Variants in CNIH3 observed in about 807,000 individuals in gnomAD.
CNIH3 encodes protein cornichon homolog 3.
A neutral mutation model predicts 24.1 loss-of-function variants in CNIH3; 14 were observed. That is an observed-to-expected ratio of 0.58 (90% CI 0.38 to 0.91). The LOEUF is 0.91. Among genes scored for constraint, CNIH3 ranks in the 40% least tolerant of loss-of-function variants. The probability of loss-of-function intolerance (pLI) is 0.00; values close to 1 mark genes in which losing one functional copy is unlikely to be tolerated. For synonymous variants in CNIH3, 68 were observed against 73.8 expected (o/e 0.92, Z 0.40); for missense variants, 178 against 196.8 (o/e 0.90, Z 0.57).
At chr1:224,656,541 C>T (rs952905628) in intron 1 of CNIH3, among the ~76,000 whole-genome samples, 9 of 152,006 alleles carry the variant, frequency 5.9e-5, no homozygotes, top group East Asian at 1.9e-4. Flanking sequence ...ATAAGGGCGG[C>T]GGGCGGCGGG....
rs145081144 is a variant in CNIH3, at chr1:224,552,020, G to A, written n.450+5081G>A. Among the ~76,000 whole-genome samples the A allele has an allele frequency of 6.3e-3, 957 of 151,444 alleles. 12 individuals are homozygous for A. Among genetic ancestry groups the A allele is most frequent in the African/African-American group, 0.021 (878 of 41,348 alleles). ...GTTGTACTCCCTCTGTGTACGCCCC[G>A]TGTGATATTAAGAGTAACATATCTC... is the stretch of plus-strand genomic sequence containing the variant. On this transcript the variant is annotated intron_variant and non_coding_transcript_variant, in intron 3 of 5. Coordinates refer to the CNIH3 transcript ENST00000471578.
intron 1 of CNIH3, among the ~76,000 whole-genome samples, chr1:224,481,958 G>A (rs1244436378): frequency 1.3e-5 from 2 of 152,308 alleles, no homozygotes; most frequent in Middle Eastern, 3.4e-3. Flanking sequence ...CCACTGGAAC[G>A]AGTCTTTTCC....
chr1:224,573,657 A>G (rs551801096), intron 4 of CNIH3, among the ~76,000 whole-genome samples: 1 of 152,356 alleles, frequency 6.6e-6, no homozygotes, highest in South Asian at 2.1e-4. Context: ...GTGTGAAAAT[A>G]TAACACCCCA....
At chr1:224,483,103 G>T (rs1344972793) in intron 1 of CNIH3, among the ~76,000 whole-genome samples, 1 of 152,170 alleles carries the variant, frequency 6.6e-6, no homozygotes, top group African/African-American at 2.4e-5. Context: ...CACTGGCAGG[G>T]GAATGGGGAG....
chr1:224,593,056 G>C (rs1681826229), downstream of CNIH3, among the ~76,000 whole-genome samples: 1 of 151,938 alleles, frequency 6.6e-6, no homozygotes, highest in Admixed American at 6.6e-5. Context: ...CTGTCTCCCT[G>C]GCCTGAGGAC....
chr1:224,595,333 A>G (rs1681931736), intron 3 of CNIH3, among the ~76,000 whole-genome samples: 1 of 152,206 alleles, frequency 6.6e-6, no homozygotes, highest in South Asian at 2.1e-4. Context: ...GGTATGAGCC[A>G]CCATGCCCAG....
At chr1:224,566,345 G>A (rs1378383658) in intron 4 of CNIH3, 1 of 151,144 alleles carries the variant, frequency 6.6e-6, no homozygotes, top group Non-Finnish European at 1.5e-5. Context: ...TTTTTTTCAG[G>A]ATTAAGCATG....
At chr1:224,705,862 T>C (rs1572765628) in intron 3 of CNIH3, among the ~76,000 whole-genome samples, 1 of 147,306 alleles carries the variant, frequency 6.8e-6, no homozygotes, top group African/African-American at 2.5e-5. Flanking sequence ...TTTTTTTCTT[T>C]TTTTTTTTTT....
chr1:224,710,945 C>T (rs911400644), intron 3 of CNIH3, among the ~76,000 whole-genome samples: 4 of 152,172 alleles, frequency 2.6e-5, no homozygotes, highest in African/African-American at 9.7e-5. Flanking sequence ...TCTCGCTTAC[C>T]TGGCTGTAGT....
chr1:224,510,501 G>T (rs1011078712), intron 1 of CNIH3, among the ~76,000 whole-genome samples: 3 of 151,556 alleles, frequency 2.0e-5, no homozygotes, highest in African/African-American at 7.3e-5. Flanking sequence ...GAGAGCTGAG[G>T]CAGGAGGCTT....
chr1:224,542,691 A>T (rs553917653), intron 2 of CNIH3, among the ~76,000 whole-genome samples: 2 of 152,212 alleles, frequency 1.3e-5, no homozygotes, highest in Non-Finnish European at 2.9e-5. Context: ...ACCAAGAGAG[A>T]TTAGGCAGCC....
At chr1:224,636,454 AT>A (rs1184601570) in intron 1 of CNIH3, among the ~76,000 whole-genome samples, 1 of 152,210 alleles carries the variant, frequency 6.6e-6, no homozygotes, top group Non-Finnish European at 1.5e-5. Context: ...CTGCTTCCTA[AT>A]TACCAGACCA....
chr1:224,667,114 A>G (rs1441144912), intron 1 of CNIH3, among the ~76,000 whole-genome samples: 2 of 152,202 alleles, frequency 1.3e-5, no homozygotes, highest in Admixed American at 1.3e-4. Context: ...CTCATTAAAT[A>G]TTCAGTGAAT....
At chr1:224,705,981 G>A (rs1687785129) in intron 3 of CNIH3, among the ~76,000 whole-genome samples, 1 of 150,076 alleles carries the variant, frequency 6.7e-6, no homozygotes. Flanking sequence ...GGCTCCCCTA[G>A]CACCCCAGGC....
intron 2 of CNIH3, chr1:224,546,680 A>G (rs1425569100): frequency 1.3e-5 from 2 of 154,126 alleles, no homozygotes; most frequent in African/African-American, 4.8e-5. Flanking sequence ...CCCTTATCCA[A>G]CCCACTGCTC....
chr1:224,502,405 T>C (rs1390396405), intron 1 of CNIH3, among the ~76,000 whole-genome samples: 1 of 152,186 alleles, frequency 6.6e-6, no homozygotes. Flanking sequence ...CCAGCTCTCC[T>C]GAAAGGCACA....
At chr1:224,696,992 A>C (rs932824113) in intron 3 of CNIH3, among the ~76,000 whole-genome samples, 5 of 152,218 alleles carry the variant, frequency 3.3e-5, no homozygotes, top group Non-Finnish European at 7.3e-5. Context: ...CAACTGCTAC[A>C]TTGCTTAGCA....
Position 224,597,318 on chromosome 1 carries a change from T to C in CNIH3, n.402+31054T>C, listed in dbSNP as rs369791586. Among the ~76,000 whole-genome samples the C allele has an allele frequency of 3.8e-4, 58 of 152,342 alleles. 1 individual carries two copies. In the South Asian group the frequency reaches 0.011, roughly 29 times the overall value. On this transcript the variant is annotated intron_variant and non_coding_transcript_variant, in intron 3 of 7. Transcript: ENST00000478120. ...CTTCGAGCTGGCCATGAAGGAATTC[T>C]CTGATCTACCTTGTCTGACTGTGGA...
chr1:224,678,645 C>T (rs569846714), intron 1 of CNIH3, among the ~76,000 whole-genome samples: 1 of 152,002 alleles, frequency 6.6e-6, no homozygotes, highest in East Asian at 1.9e-4. Context: ...AGGGATTTGA[C>T]CCATGCTATG....
Sources: allele counts gnomAD v4.1 joint callset (sites outside exome capture counted in the v4.1 genomes callset), GRCh38; gene constraint gnomAD v4.1.1; transcripts MANE v1.5; gene names NCBI Gene and HGNC (gene_info 2026-07-23, HGNC 2026-07-21).